Variants in NTN1 observed in about 807,000 individuals in gnomAD.
NTN1 encodes netrin 1.
Under a neutral mutation model 54.2 loss-of-function variants are expected in NTN1, and 11 were observed. The observed-to-expected ratio is 0.20, with a 90% CI of 0.13 to 0.34. The LOEUF (loss-of-function observed/expected upper bound fraction) is 0.34. NTN1 is among the 10% of genes least tolerant of loss of function. The pLI is 1.00. For synonymous variants in NTN1, 371 were observed against 382.0 expected, an observed-to-expected ratio of 0.97 and a Z score of 0.33; for missense variants, 740 against 893.1, an observed-to-expected ratio of 0.83 and a Z score of 2.18.
rs888247267 is a variant in NTN1 at position 9,166,204 on chromosome 17, C to T, written c.1207+3203C>T. On this transcript the variant is annotated intron_variant, in intron 3 of 6. Coordinates refer to ENST00000173229, the MANE Select transcript of NTN1 (RefSeq NM_004822.3). The stretch of plus-strand genomic sequence containing the variant: ...ACCACCACCACCACCACCACCACCA[C>T]CACCAGCACCTCCTGCCTTGTATTC... Among the ~76,000 whole-genome samples the T allele has an allele frequency of 2.6e-3, 287 of 108,632 alleles. 2 individuals carry two copies. The highest frequency in any genetic ancestry group is 9.2e-3 in the African/African-American group (265 of 28,706). The allele number at this position is 108,632 out of a possible 152,430, so 71.3% of individuals were successfully genotyped here.
chr17:9,231,969 C>G (rs918747314), intron 6 of NTN1, among the ~76,000 whole-genome samples: 3 of 152,310 alleles, frequency 2.0e-5, no homozygotes, highest in East Asian at 1.9e-4. Flanking sequence ...GCATGTCCCG[C>G]GGGCCCAGCC....
In NTN1 at chr17:9,045,131, A is replaced by G. The variant is rs540804455; in HGVS notation, c.1018+21740A>G. On this transcript the variant is annotated intron_variant, in intron 2 of 6. Coordinates refer to ENST00000173229, the MANE Select transcript of NTN1 (RefSeq NM_004822.3). ...GATGGAATTAACTGGGAATAGGATT[A>G]GAAGCAAAGAAGAGGCCAGAATGAT... Among the ~76,000 whole-genome samples, 3 of 152,336 alleles carry G rather than the reference A, an allele frequency of 2.0e-5. No individual in the cohort carries two copies. In the South Asian group the frequency reaches 6.2e-4, roughly 32 times the overall value.
chr17:9,044,590 G>A (rs963152641), intron 2 of NTN1, among the ~76,000 whole-genome samples: 6 of 152,112 alleles, frequency 3.9e-5, no homozygotes, highest in African/African-American at 1.4e-4. Flanking sequence ...AATCTCATGT[G>A]TATGTAAGAT....
Position 9,194,800 on chromosome 17 carries a change from G to C in NTN1, c.1411+11831G>C, listed in dbSNP as rs553097375. ...CAAGGGGCCGTGGGACTCTTCTAGT[G>C]GGGGGACCTGCTCATTGCCCCTCCG... On this transcript the variant is annotated intron_variant, in intron 5 of 6. Transcript: ENST00000173229. Among the ~76,000 whole-genome samples the C allele has an allele frequency of 4.4e-4, 67 of 152,314 alleles. No homozygotes were observed. The Middle Eastern group carries it at 0.01, about 23-fold the overall frequency.
intron 2 of NTN1, among the ~76,000 whole-genome samples, chr17:9,034,775 T>C (rs1196042946): frequency 6.6e-6 from 1 of 151,930 alleles, no homozygotes; most frequent in Admixed American, 6.6e-5. Flanking sequence ...GTAGAGAAAA[T>C]CCCATGAATT....
chr17:9,191,611 T>G (rs944220190), intron 5 of NTN1, among the ~76,000 whole-genome samples: 1 of 152,176 alleles, frequency 6.6e-6, no homozygotes, highest in African/African-American at 2.4e-5. Context: ...ATAAGAGAGA[T>G]ATCCTAATAT....
chr17:9,206,324 A>G (rs1048716391), intron 5 of NTN1, among the ~76,000 whole-genome samples: 1 of 152,322 alleles, frequency 6.6e-6, no homozygotes, highest in Admixed American at 6.5e-5. Flanking sequence ...TTGTTCAGCA[A>G]AAAGAAAGAG....
At chr17:9,224,296 G>T (rs754100108) in intron 6 of NTN1, among the ~76,000 whole-genome samples, 36 of 152,090 alleles carry the variant, frequency 2.4e-4, no homozygotes, top group Non-Finnish European at 4.1e-4. Flanking sequence ...CCCTCCTTTC[G>T]TAGACTCGAA....
At chr17:9,106,820 A>G (rs1249409170) in intron 2 of NTN1, among the ~76,000 whole-genome samples, 1 of 151,176 alleles carries the variant, frequency 6.6e-6, no homozygotes, top group Non-Finnish European at 1.5e-5. Context: ...GGGCCCCAAA[A>G]TGGCATTTCA....
chr17:9,154,983 G>A (rs1420941069), intron 2 of NTN1, among the ~76,000 whole-genome samples: 1 of 152,078 alleles, frequency 6.6e-6, no homozygotes, highest in Non-Finnish European at 1.5e-5. Flanking sequence ...CCCCATCAGA[G>A]CCTGCATTTG....
In NTN1 at chr17:9,239,614, A is replaced by C. The variant is rs1597556722; in HGVS notation, c.1487-26A>C. On this transcript the variant is annotated intron_variant, in intron 6 of 6. Transcript: ENST00000173229. The surrounding 1 kb of genome is among the most constrained non-coding windows in gnomAD (Gnocchi z 5.2). The stretch of plus-strand genomic sequence containing the variant: ...ACCTAGCCACAGCAGCTGGGAGCCC[A>C]CCCGTCTGCCTGTGCTTCCTTGCAG... 1 of 1,596,486 alleles carries C rather than the reference A, an allele frequency of 6.3e-7. No homozygotes were observed. The highest frequency in any genetic ancestry group is 2.2e-5 in the East Asian group (1 of 44,454).
rs114730015 is a variant in NTN1 at position 9,090,662 on chromosome 17, G to A, written c.1018+67271G>A. Among the ~76,000 whole-genome samples, 994 of 152,202 alleles carry A rather than the reference G, an allele frequency of 6.5e-3. 9 individuals are homozygous for A. The highest frequency in any genetic ancestry group is 0.023 in the African/African-American group (952 of 41,524). Reference sequence around the variant, plus strand: ...TGCTAAGGCTGGCTTCCCGCTGCTTGTCTTCTCTGGCCATTTCTCTGCTTG... The same window carrying A: ...TGCTAAGGCTGGCTTCCCGCTGCTTATCTTCTCTGGCCATTTCTCTGCTTG... On this transcript the variant is annotated intron_variant, in intron 2 of 6. Coordinates refer to ENST00000173229, the MANE Select transcript of NTN1 (RefSeq NM_004822.3).
chr17:9,040,573 G>C (rs2091918253), intron 2 of NTN1, among the ~76,000 whole-genome samples: 1 of 151,924 alleles, frequency 6.6e-6, no homozygotes, highest in South Asian at 2.1e-4. Context: ...TCCAATACTT[G>C]TACTATTTAT....
chr17:9,180,081 C>G (rs1372220332), intron 4 of NTN1, 125 bp downstream of exon 4: 3 of 1,047,990 alleles, frequency 2.9e-6, no homozygotes, highest in Non-Finnish European at 2.7e-6. Flanking sequence ...CTGTGTCGCC[C>G]AGGCTGGAGT....
rs1567727830 is a variant in NTN1 at position 9,170,876 on chromosome 17, ACACACACT to A, written c.1207+7883_1207+7890del. On this transcript the variant is annotated intron_variant, in intron 3 of 6. Transcript: ENST00000173229. The stretch of plus-strand genomic sequence containing the variant: ...AAGCTCTTGTGACACACACACACAC[ACACACACT>A]CACACACACACACTGGGAATCATTT... Among the ~76,000 whole-genome samples, 5 of 151,228 alleles carry A rather than the reference ACACACACT, an allele frequency of 3.3e-5. No individual in the cohort carries two copies. The East Asian group carries it at 9.9e-4, about 30-fold the overall frequency.
rs1344746287 is a variant in NTN1 at position 9,165,225 on chromosome 17, CAAG to C, written c.1207+2228_1207+2230del. 6.6e-6 allele frequency among the ~76,000 whole-genome samples: 1 copy of C among 152,132 alleles called. No individual in the cohort carries two copies. The highest frequency in any genetic ancestry group is 1.5e-5 in the Non-Finnish European group (1 of 68,026). Reference sequence around the variant, plus strand: ...TAGAAATGTATGTTTCCCAGAGAGGCAAGAAGGGGCAGGGCCCTGGTCACCTCC... The same window carrying C: ...TAGAAATGTATGTTTCCCAGAGAGGCAAGGGGCAGGGCCCTGGTCACCTCC... On this transcript the variant is annotated intron_variant, in intron 3 of 6. Transcript: ENST00000173229. The surrounding 1 kb of genome is among the most constrained non-coding windows in gnomAD (Gnocchi z 4.5).
chr17:9,181,010 T>C lies in NTN1; in HGVS notation c.1357+1054T>C, dbSNP rs2092417588. 1.3e-5 allele frequency among the ~76,000 whole-genome samples: 2 copies of C among 152,168 alleles called. 1 individual carries two copies. The highest frequency in any genetic ancestry group is 4.1e-4 in the South Asian group (2 of 4,828). On this transcript the variant is annotated intron_variant, in intron 4 of 6. Transcript: ENST00000173229. ...AAAGCTGAGGTCTCCCGTCAGGGAA[T>C]TAGGAGTTCTCAGGTTGCTCAGAAA...
At chr17:9,183,798 G>T (rs1414563349) in intron 5 of NTN1, 2 of 167,492 alleles carry the variant, frequency 1.2e-5, no homozygotes, top group Non-Finnish European at 2.6e-5. Flanking sequence ...GGGTCCACAG[G>T]CTTCACCAGT....
chr17:9,127,010 G>C (rs1003406762), intron 2 of NTN1, among the ~76,000 whole-genome samples: 2 of 150,812 alleles, frequency 1.3e-5, no homozygotes, highest in African/African-American at 4.9e-5. Context: ...TCAGGGAGGC[G>C]GAGGGAGGCC....
Sources: gnomAD v4.1 joint callset for allele counts (sites outside exome capture counted in the v4.1 genomes callset) on GRCh38, gnomAD v4.1.1 for gene constraint, Gnocchi (gnomAD v3.1) non-coding constraint, MANE v1.5 for transcripts, NCBI Gene and HGNC (gene_info 2026-07-23, HGNC 2026-07-21) for gene names.